The following PKP4 variants were observed in gnomAD, a reference collection of about 807,000 sequenced individuals.
The protein encoded by PKP4 is plakophilin 4.
A neutral mutation model predicts 145.1 loss-of-function variants in PKP4; 90 were observed. The observed-to-expected ratio is 0.62, with a 90% CI of 0.52 to 0.74. The LOEUF (loss-of-function observed/expected upper bound fraction) is 0.74. Among genes scored for constraint, PKP4 ranks in the 30% least tolerant of loss-of-function variants. The probability of loss-of-function intolerance (pLI) is 0.00; values close to 1 mark genes in which losing one functional copy is unlikely to be tolerated. For synonymous variants in PKP4, 563 were observed against 577.2 expected, an observed-to-expected ratio of 0.98 and a Z score of 0.35; for missense variants, 1,340 against 1,482.7, an observed-to-expected ratio of 0.90 and a Z score of 1.58.
intron 2 of PKP4, among the ~76,000 whole-genome samples, chr2:158,534,456 G>A (rs547962160): frequency 6.6e-6 from 1 of 152,248 alleles, no homozygotes; most frequent in South Asian, 2.1e-4. Context: ...GATATAGTCA[G>A]TACAATTTTC....
At chr2:158,600,383 C>T (rs1249914600) in intron 3 of PKP4, among the ~76,000 whole-genome samples, 2 of 152,062 alleles carry the variant, frequency 1.3e-5, no homozygotes, top group African/African-American at 2.4e-5. Context: ...GAAAGGGAAC[C>T]GGGATGGAGT....
intron 1 of PKP4, among the ~76,000 whole-genome samples, chr2:158,501,150 T>C (rs2105495117): frequency 6.6e-6 from 1 of 152,192 alleles, no homozygotes; most frequent in East Asian, 1.9e-4. Flanking sequence ...CAGGCATCCC[T>C]ATTTTGCTGT....
At chr2:158,472,450 AAAT>A (rs1691726406) in intron 1 of PKP4, among the ~76,000 whole-genome samples, 3 of 151,912 alleles carry the variant, frequency 2.0e-5, no homozygotes, top group African/African-American at 7.3e-5. Flanking sequence ...TCTACTAAAA[AAAT>A]ACAAAAAAAA....
At chr2:158,649,717 GT>G (rs1311260832) in intron 11 of PKP4, among the ~76,000 whole-genome samples, 5 of 152,190 alleles carry the variant, frequency 3.3e-5, no homozygotes, top group Non-Finnish European at 7.4e-5. Context: ...TAAGACTTGG[GT>G]ATTCAAACAT....
intron 11 of PKP4, among the ~76,000 whole-genome samples, chr2:158,644,475 G>C (rs1021777381): frequency 6.6e-6 from 1 of 152,094 alleles, no homozygotes; most frequent in African/African-American, 2.4e-5. Context: ...TAATAATTCA[G>C]GGAAAATACT....
At chr2:158,642,172 C>T (rs1485616776) in intron 10 of PKP4, among the ~76,000 whole-genome samples, 1 of 152,108 alleles carries the variant, frequency 6.6e-6, no homozygotes, top group African/African-American at 2.4e-5. Flanking sequence ...CAGGCGTGTG[C>T]CTCAACACCC....
At chr2:158,652,221 C>T (rs996773929) in intron 11 of PKP4, among the ~76,000 whole-genome samples, 1 of 152,140 alleles carries the variant, frequency 6.6e-6, no homozygotes, top group Admixed American at 6.5e-5. Flanking sequence ...CTGTTTTTTA[C>T]TCAACAGTGC....
chr2:158,577,426 A>G (rs1371363521), intron 3 of PKP4, 43 bp downstream of exon 3: 5 of 1,210,442 alleles, frequency 4.1e-6, no homozygotes, highest in Admixed American at 3.6e-5. Context: ...CTCAAGTTAC[A>G]TGCCTTACTA....
At chr2:158,529,737 T>C (rs1228195240) in intron 1 of PKP4, among the ~76,000 whole-genome samples, 1 of 152,238 alleles carries the variant, frequency 6.6e-6, no homozygotes, top group Non-Finnish European at 1.5e-5. Flanking sequence ...TTTCCCAATA[T>C]GCTGCTGAGC....
intron 3 of PKP4, among the ~76,000 whole-genome samples, chr2:158,597,678 G>A (rs2049873750): frequency 6.6e-6 from 1 of 152,162 alleles, no homozygotes; most frequent in Non-Finnish European, 1.5e-5. Flanking sequence ...AGGATAATTT[G>A]AGTTATCCCT....
At chr2:158,591,490 C>A (rs990881980) in intron 3 of PKP4, among the ~76,000 whole-genome samples, 1 of 151,964 alleles carries the variant, frequency 6.6e-6, no homozygotes, top group South Asian at 2.1e-4. Flanking sequence ...GCCACATGTT[C>A]ATTTTCTTGT....
chr2:158,553,971 T>C (rs538821172), intron 2 of PKP4, among the ~76,000 whole-genome samples: 145 of 152,278 alleles, frequency 9.5e-4, no homozygotes, highest in Admixed American at 1.9e-3. Flanking sequence ...TTTGGAGATG[T>C]TGGAATGGGT....
intron 3 of PKP4, among the ~76,000 whole-genome samples, chr2:158,578,579 G>A (rs1047994590): frequency 6.6e-6 from 1 of 151,946 alleles, no homozygotes; most frequent in Non-Finnish European, 1.5e-5. Flanking sequence ...CGTATCTTTA[G>A]CACCAAAAAG....
intron 2 of PKP4, among the ~76,000 whole-genome samples, chr2:158,576,323 T>C (rs1234759181): frequency 6.6e-6 from 1 of 152,224 alleles, no homozygotes; most frequent in African/African-American, 2.4e-5. Context: ...TACTCATATG[T>C]CTGGTATTTT....
Position 158,633,262 on chromosome 2 carries a change from T to C in PKP4, c.1343-808T>C, listed in dbSNP as rs143120371. Among the ~76,000 whole-genome samples the C allele has an allele frequency of 6.4e-4, 97 of 152,346 alleles. 1 individual carries two copies. In the Middle Eastern group the frequency reaches 0.017, roughly 27 times the overall value. On this transcript the variant is annotated intron_variant, in intron 8 of 21. Transcript: ENST00000389759. Reference sequence around the variant, plus strand: ...CTATACATTCATTCATGTGATAAAGTTTAATTTATAAATCAGGCACAGTAA... The same window carrying C: ...CTATACATTCATTCATGTGATAAAGCTTAATTTATAAATCAGGCACAGTAA...
intron 20 of PKP4, chr2:158,677,228 G>A: frequency 3.0e-6 from 1 of 330,490 alleles, no homozygotes; most frequent in East Asian, 7.4e-5. Flanking sequence ...CGTCAGCCCA[G>A]TGTCACTTTG....
At chr2:158,607,704 A>C (rs941096165) in intron 4 of PKP4, among the ~76,000 whole-genome samples, 6 of 152,094 alleles carry the variant, frequency 3.9e-5, no homozygotes, top group African/African-American at 1.4e-4. Context: ...CCTAACCCTC[A>C]CCAGTCTATA....
chr2:158,535,711 G>A (rs1331967664), intron 2 of PKP4, among the ~76,000 whole-genome samples: 3 of 152,146 alleles, frequency 2.0e-5, no homozygotes, highest in African/African-American at 7.2e-5. Flanking sequence ...GTGAGCCAGT[G>A]TACCTGGCCC....
Position 158,625,082 on chromosome 2 carries a change from C to T in PKP4, c.808C>T (p.Arg270Trp), listed in dbSNP as rs1206461219. ...TTCCTCCACCACATTACCTGCTGCA[C>T]GGGCAGCCTCTCCGTACTCACAGAG... ...AYSSTTLPAA[R>W]AASPYSQRPA... The change falls in exon 7 of 22, where the codon CGG becomes TGG. Residue 270 changes from arginine to tryptophan, a missense_variant. Transcript: ENST00000389759. 8 of 1,614,026 alleles carry T rather than the reference C, an allele frequency of 5.0e-6. No homozygotes were observed. Among genetic ancestry groups the T allele is most frequent in the African/African-American group, 1.3e-5 (1 of 74,934 alleles).
Sources: gnomAD v4.1 joint callset for allele counts (sites outside exome capture counted in the v4.1 genomes callset) on GRCh38, gnomAD v4.1.1 for gene constraint, MANE v1.5 for transcripts, NCBI Gene and HGNC (gene_info 2026-07-23, HGNC 2026-07-21) for gene names.